FLRT2: variants seen among roughly 807,000 people sequenced by gnomAD.
The protein encoded by FLRT2 is fibronectin leucine rich transmembrane protein 2, also known as leucine-rich repeat transmembrane protein FLRT2.
Under a neutral mutation model 40.0 loss-of-function variants are expected in FLRT2, and 15 were observed. That is an observed-to-expected ratio of 0.38 (90% CI 0.25 to 0.58). FLRT2 has a LOEUF of 0.58. Ranked by LOEUF, FLRT2 falls within the 20% of genes least tolerant of loss-of-function variation. FLRT2 has a pLI of 0.71. For synonymous variants in FLRT2, 380 were observed against 336.8 expected (o/e 1.13, Z -1.41); for missense variants, 726 against 840.0 (o/e 0.86, Z 1.68).
chr14:85,548,845 C>T (rs1320385781), intron 1 of FLRT2, among the ~76,000 whole-genome samples: 3 of 152,166 alleles, frequency 2.0e-5, no homozygotes, highest in African/African-American at 4.8e-5. Flanking sequence ...TTGCCTTTTC[C>T]AAAACCATAC....
In FLRT2 at chr14:85,643,378, T is replaced by TTC; in HGVS notation, c.*19881_*19882insTC. On this transcript the variant is annotated 3_prime_UTR_variant, in exon 2 of 2. Coordinates refer to ENST00000330753, the MANE Select transcript of FLRT2 (RefSeq NM_013231.6). Reference sequence around the variant, plus strand: ...TTCTTCCTTCCTTCCTTCCTTCCTTTCTTTCCTTTCTCCTTTTTCTTTTTT... The same window carrying TTC: ...TTCTTCCTTCCTTCCTTCCTTCCTTTTCCTTTCCTTTCTCCTTTTTCTTTTTT... The TTC allele has an allele frequency of 1.0e-5, 1 of 99,892 alleles. No individual in the cohort carries two copies. The highest frequency in any genetic ancestry group is 4.2e-5 in the African/African-American group (1 of 23,720). 6.2% of individuals were successfully genotyped at this position (99,892 alleles called of 1,614,324 possible).
chr14:85,642,118 A>T lies in FLRT2; in HGVS notation c.*18621A>T, dbSNP rs1411439990. ...ACACTATTTTATTTCTTACAGTTTC[A>T]AGGTTGCTGTTGACAAAAAAAAAAA... On this transcript the variant is annotated 3_prime_UTR_variant, in exon 2 of 2. Transcript: ENST00000330753. 7.9e-6 allele frequency: 1 copy of T among 126,484 alleles called. No individual in the cohort carries two copies. The highest frequency in any genetic ancestry group is 1.6e-5 in the Non-Finnish European group (1 of 62,758). The allele number at this position is 126,484 out of a possible 1,614,324, so 7.8% of individuals were successfully genotyped here.
At position 85,558,514 on chromosome 14, in the gene FLRT2, G is replaced by A. The variant is rs1890116726; in HGVS notation, c.-377+27980G>A. ...AACAGTGGTAAAATATAGACTGTCA[G>A]AAGCATTTTTCTTCCAGAGACATGA... On this transcript the variant is annotated intron_variant, in intron 1 of 1. Coordinates refer to ENST00000330753, the MANE Select transcript of FLRT2 (RefSeq NM_013231.6). 3.3e-5 allele frequency among the ~76,000 whole-genome samples: 5 copies of A among 152,158 alleles called. No homozygotes were observed. In the South Asian group the frequency reaches 1.0e-3, roughly 32 times the overall value.
Position 85,623,113 on chromosome 14 carries a change from G to T in FLRT2, c.1599G>T (p.Thr533=), listed in dbSNP as rs1893499098. 2 of 1,611,746 alleles carry T rather than the reference G, an allele frequency of 1.2e-6. No individual in the cohort carries two copies. The highest frequency in any genetic ancestry group is 2.7e-5 in the African/African-American group (2 of 74,996). The change falls in exon 2 of 2, where the codon ACG becomes ACT. Residue 533 remains threonine, a synonymous_variant. Coordinates refer to ENST00000330753, the MANE Select transcript of FLRT2 (RefSeq NM_013231.6). ...SNTASSHEQT[T]SHSMGSPFLL... ...CAGCGTCCAGCCATGAGCAGACGAC[G>T]TCCCACAGCATGGGCTCCCCCTTTC...
rs1893404084 is a variant in FLRT2 at position 85,621,943 on chromosome 14, C to T, written c.429C>T (p.Asn143=). 6.2e-7 allele frequency: 1 copy of T among 1,601,212 alleles called. No homozygotes were observed. Among genetic ancestry groups the T allele is most frequent in the South Asian group, 1.1e-5 (1 of 88,398 alleles). ...LKLEELHLDD[N]SISTVGVEDG... is the part of the protein sequence containing the mutation. ...TTGAAGAGCTGCACCTGGATGACAA[C>T]TCCATATCCACAGTGGGGGTGGAAG... Residue 143 remains asparagine, a synonymous_variant, in exon 2 of 2, where the codon AAC becomes AAT. Transcript: ENST00000330753.
intron 1 of FLRT2, among the ~76,000 whole-genome samples, chr14:85,574,778 G>C (rs144481709): frequency 2.0e-5 from 3 of 152,094 alleles, no homozygotes; most frequent in Non-Finnish European, 4.4e-5. Flanking sequence ...AGAGTATCTT[G>C]ATGTGAGGTG....
intron 1 of FLRT2, among the ~76,000 whole-genome samples, chr14:85,535,892 G>GTTTTGTTTTTTTTTTTTT (rs1566713949): frequency 3.5e-5 from 2 of 57,898 alleles, no homozygotes; most frequent in Non-Finnish European, 3.4e-5. Flanking sequence ...AAGGAATGCT[G>GTTTTGTTTTTTTTTTTTT]TTTTTTTTTT....
chr14:85,602,340 C>T (rs1248145669), intron 1 of FLRT2, among the ~76,000 whole-genome samples: 1 of 152,182 alleles, frequency 6.6e-6, no homozygotes. Flanking sequence ...TTTGCTCCGA[C>T]TTGGAGTTGT....
At chr14:85,542,426 G>T (rs1889033323) in intron 1 of FLRT2, among the ~76,000 whole-genome samples, 1 of 151,994 alleles carries the variant, frequency 6.6e-6, no homozygotes, top group African/African-American at 2.4e-5. Context: ...AAGATGTTAG[G>T]CATGCCCCAG....
rs1215911111 is a variant in FLRT2, at chr14:85,625,151, G to A, written c.*1654G>A. On this transcript the variant is annotated 3_prime_UTR_variant, in exon 2 of 2. Transcript: ENST00000330753. The stretch of plus-strand genomic sequence containing the variant: ...CTTTGCCATCCTTAGATAGAGAAGG[G>A]CTATAGATCACATACGTTATCAAAA... 1.2e-5 allele frequency: 2 copies of A among 166,990 alleles called. No individual in the cohort carries two copies. The highest frequency in any genetic ancestry group is 3.8e-4 in the East Asian group (2 of 5,196). 10.3% of individuals were successfully genotyped at this position (166,990 alleles called of 1,614,324 possible). A position where few individuals can be genotyped will look rare whatever the true frequency, so the allele number is the denominator to read the frequency against.
chr14:85,599,610 T>C (rs1222664650), intron 1 of FLRT2, among the ~76,000 whole-genome samples: 1 of 152,246 alleles, frequency 6.6e-6, no homozygotes, highest in Non-Finnish European at 1.5e-5. Context: ...GACAGCGCCA[T>C]GTACAACTAA....
chr14:85,537,449 G>C (rs904632107), intron 1 of FLRT2, among the ~76,000 whole-genome samples: 1 of 152,036 alleles, frequency 6.6e-6, no homozygotes, highest in African/African-American at 2.4e-5. Context: ...TCTTACTTCA[G>C]ACAACTTTCT....
chr14:85,568,577 T>C (rs1004040752), intron 1 of FLRT2, among the ~76,000 whole-genome samples: 1 of 152,210 alleles, frequency 6.6e-6, no homozygotes, highest in Non-Finnish European at 1.5e-5. Flanking sequence ...GAGGTGGTGT[T>C]TGGGCTTCAA....
chr14:85,613,751 GC>G (rs928322757), intron 1 of FLRT2, among the ~76,000 whole-genome samples: 5 of 152,186 alleles, frequency 3.3e-5, no homozygotes, highest in Admixed American at 2.0e-4. Flanking sequence ...TTACAGAGAA[GC>G]AGGACAGAGG....
chr14:85,611,910 G>GCA (rs1239733905), intron 1 of FLRT2, among the ~76,000 whole-genome samples: 3 of 143,884 alleles, frequency 2.1e-5, no homozygotes, highest in African/African-American at 5.1e-5. Context: ...GCGCGCGTGC[G>GCA]CGAAAGCGTG....
chr14:85,613,234 T>C (rs138969770), intron 1 of FLRT2, among the ~76,000 whole-genome samples: 168 of 152,324 alleles, frequency 1.1e-3, no homozygotes, highest in African/African-American at 3.9e-3. Context: ...ACAGCCATCA[T>C]AGAACTGAAC....
rs1277958401 is a variant in FLRT2, at chr14:85,624,165, C to A, written c.*668C>A. The A allele has an allele frequency of 6.0e-6, 1 of 166,922 alleles. No homozygotes were observed. The highest frequency in any genetic ancestry group is 1.5e-5 in the Non-Finnish European group (1 of 68,120). The allele number at this position is 166,922 out of a possible 1,614,324, so 10.3% of individuals were successfully genotyped here. The stretch of plus-strand genomic sequence containing the variant: ...GAAAATGCAGGGGTTGGCTTTCTGA[C>A]TGGGAACTTAAAAATCACTCTTCAT... On this transcript the variant is annotated 3_prime_UTR_variant, in exon 2 of 2. Transcript: ENST00000330753.
chr14:85,532,192 G>T (rs1294045701), intron 1 of FLRT2, among the ~76,000 whole-genome samples: 2 of 152,178 alleles, frequency 1.3e-5, no homozygotes, highest in Admixed American at 1.3e-4. Context: ...GAGTTGAGCG[G>T]ATCCCTGGGG....
At chr14:85,570,024 A>G (rs1364154706) in intron 1 of FLRT2, among the ~76,000 whole-genome samples, 3 of 152,342 alleles carry the variant, frequency 2.0e-5, no homozygotes, top group Middle Eastern at 3.4e-3. Context: ...ACAGAAATCA[A>G]AAACAGAAAG....
Sources: gnomAD v4.1 joint callset for allele counts (sites outside exome capture counted in the v4.1 genomes callset) on GRCh38, gnomAD v4.1.1 for gene constraint, MANE v1.5 for transcripts, NCBI Gene and HGNC (gene_info 2026-07-23, HGNC 2026-07-21) for gene names.